Variants in TAF4 observed in about 807,000 individuals in gnomAD.
TAF4 encodes the protein TATA-box binding protein associated factor 4, also known as transcription initiation factor TFIID subunit 4.
In TAF4, 9 loss-of-function variants were observed where a neutral mutation model predicts 90.3. The ratio of observed to expected loss-of-function variants is 0.10; its 90% CI spans 0.06 to 0.17. The LOEUF is 0.17. TAF4 is among the 10% of genes least tolerant of loss of function. The pLI is 1.00. For synonymous variants in TAF4, 818 were observed against 638.9 expected (o/e 1.28, Z -4.23); for missense variants, 1,351 against 1,370.7 (o/e 0.99, Z 0.23).
At chr20:62,062,454 T>C (rs2145526388) in intron 1 of TAF4, among the ~76,000 whole-genome samples, 1 of 152,240 alleles carries the variant, frequency 6.6e-6, no homozygotes, top group Non-Finnish European at 1.5e-5. Flanking sequence ...TCAAAATTCC[T>C]CATCAGTAGA....
At chr20:62,056,593 G>A (rs1173766423) in intron 1 of TAF4, among the ~76,000 whole-genome samples, 1 of 152,112 alleles carries the variant, frequency 6.6e-6, no homozygotes, top group Non-Finnish European at 1.5e-5. Context: ...AGACCACCGA[G>A]GGCCAAGGGA....
chr20:62,014,300 C>T (rs1455630878), intron 2 of TAF4, among the ~76,000 whole-genome samples: 6 of 152,070 alleles, frequency 3.9e-5, no homozygotes, highest in Non-Finnish European at 5.9e-5. Flanking sequence ...CCACTCGGCC[C>T]GCCCTGCAGT....
At chr20:62,013,932 TG>T (rs1233878742) in intron 2 of TAF4, among the ~76,000 whole-genome samples, 1 of 147,826 alleles carries the variant, frequency 6.8e-6, no homozygotes, top group African/African-American at 2.5e-5. Flanking sequence ...TGTGTGTGTG[TG>T]TGTGTGTGTG....
At chr20:62,062,193 A>G (rs1638772081) in intron 1 of TAF4, among the ~76,000 whole-genome samples, 1 of 152,244 alleles carries the variant, frequency 6.6e-6, no homozygotes, top group Non-Finnish European at 1.5e-5. Flanking sequence ...AGTTATTTTT[A>G]TAAGTTACTT....
At chr20:62,039,020 T>G (rs2055949259) in intron 1 of TAF4, among the ~76,000 whole-genome samples, 1 of 152,194 alleles carries the variant, frequency 6.6e-6, no homozygotes, top group Non-Finnish European at 1.5e-5. Flanking sequence ...GCCACTGCAC[T>G]CCAGGAAAAG....
chr20:62,038,220 G>A (rs968162639), intron 1 of TAF4, among the ~76,000 whole-genome samples: 2 of 152,042 alleles, frequency 1.3e-5, no homozygotes, highest in Admixed American at 1.3e-4. Flanking sequence ...CTAGAGACAG[G>A]GTTTCACAGT....
chr20:62,026,367 GTATC>G (rs1457418478), intron 1 of TAF4, among the ~76,000 whole-genome samples: 1 of 152,194 alleles, frequency 6.6e-6, no homozygotes, highest in Non-Finnish European at 1.5e-5. Flanking sequence ...TTTTAACAGA[GTATC>G]TCACTGAGTA....
intron 1 of TAF4, among the ~76,000 whole-genome samples, chr20:62,046,283 T>G (rs1428937682): frequency 6.6e-6 from 1 of 152,222 alleles, no homozygotes; most frequent in Non-Finnish European, 1.5e-5. Flanking sequence ...ATTTGAAAAG[T>G]TTGGGCAAAT....
chr20:62,012,997 C>T, intron 2 of TAF4, 63 bp from the exon 3 acceptor site: 1 of 1,592,698 alleles, frequency 6.3e-7, no homozygotes, highest in Non-Finnish European at 8.5e-7. Flanking sequence ...CCCCCAGGTA[C>T]ACAGAAATTA....
intron 1 of TAF4, among the ~76,000 whole-genome samples, chr20:62,020,572 C>T (rs2055837037): frequency 6.6e-6 from 1 of 152,152 alleles, no homozygotes; most frequent in Admixed American, 6.5e-5. Flanking sequence ...GACTTCTGTC[C>T]CATCTCACCG....
chr20:62,029,732 C>T (rs1306450211), intron 1 of TAF4, among the ~76,000 whole-genome samples: 1 of 152,140 alleles, frequency 6.6e-6, no homozygotes, highest in East Asian at 1.9e-4. Flanking sequence ...ATGACGAAAC[C>T]CCGCCTCTAC....
chr20:61,998,016 T>C, intron 13 of TAF4, 120 bp downstream of exon 13: 1 of 968,420 alleles, frequency 1.0e-6, no homozygotes, highest in East Asian at 2.6e-5. Context: ...GGCAAACATT[T>C]TAAACAGACA....
intron 1 of TAF4, among the ~76,000 whole-genome samples, chr20:62,024,394 G>A (rs117198238): frequency 6.4e-4 from 98 of 152,314 alleles, no homozygotes; most frequent in Non-Finnish European, 1.0e-3. Context: ...CATCAGAAAC[G>A]AAATGCATAA....
intron 1 of TAF4, among the ~76,000 whole-genome samples, chr20:62,050,892 G>GC (rs1370335959): frequency 1.3e-5 from 2 of 152,048 alleles, no homozygotes; most frequent in Non-Finnish European, 2.9e-5. Flanking sequence ...ACCCAGCAAG[G>GC]CCCCTTTCTG....
chr20:62,054,314 C>T (rs1036375534), intron 1 of TAF4, among the ~76,000 whole-genome samples: 2 of 152,182 alleles, frequency 1.3e-5, no homozygotes, highest in Admixed American at 1.3e-4. Flanking sequence ...GCCTCAGCGT[C>T]TCTGTGGAAG....
intron 3 of TAF4, among the ~76,000 whole-genome samples, chr20:62,011,699 G>A (rs2055778976): frequency 6.6e-6 from 1 of 152,156 alleles, no homozygotes; most frequent in South Asian, 2.1e-4. Context: ...CACCCCCTGG[G>A]GCTCAGCCTC....
intron 14 of TAF4, chr20:61,979,068 T>A (rs968439437): frequency 6.5e-6 from 1 of 153,238 alleles, no homozygotes; most frequent in Non-Finnish European, 1.5e-5. Context: ...TATGTGGATT[T>A]TGGCTCCCGC....
chr20:61,983,309 T>G (rs1449220584), intron 14 of TAF4, among the ~76,000 whole-genome samples: 1 of 138,478 alleles, frequency 7.2e-6, no homozygotes, highest in Non-Finnish European at 1.6e-5. Context: ...AAAAAAAAAA[T>G]CAATTAAAAG....
At chr20:62,042,020 C>G (rs1380706596) in intron 1 of TAF4, among the ~76,000 whole-genome samples, 1 of 152,066 alleles carries the variant, frequency 6.6e-6, no homozygotes, top group African/African-American at 2.4e-5. Flanking sequence ...GGCAATTTCC[C>G]AGCAAAGGCC....
Sources: allele counts gnomAD v4.1 joint callset (sites outside exome capture counted in the v4.1 genomes callset), GRCh38; gene constraint gnomAD v4.1.1; transcripts MANE v1.5; gene names NCBI Gene and HGNC (gene_info 2026-07-23, HGNC 2026-07-21).